ZNF207: variants seen among roughly 807,000 people sequenced by gnomAD.
ZNF207 encodes the protein zinc finger protein 207.
ZNF207 carries 24 observed loss-of-function variants against 60.2 expected under a neutral mutation model. That is an observed-to-expected ratio of 0.40 (90% CI 0.29 to 0.56). The LOEUF is 0.56. Ranked by LOEUF, ZNF207 falls within the 20% of genes least tolerant of loss-of-function variation. The pLI is 0.49. For missense variants in ZNF207, 452 were observed against 636.6 expected (o/e 0.71, Z 3.12); for synonymous variants, 236 against 194.7 (o/e 1.21, Z -1.77).
chr17:32,372,962 G>C lies in ZNF207; in HGVS notation c.*3203G>C, dbSNP rs1905536156. ...CTCTACCTTACATCCACCCCTTTTAGAAAAACAAGAAAACATTTTGTCTGG... is the reference window on the plus strand; with the variant it reads ...CTCTACCTTACATCCACCCCTTTTACAAAAACAAGAAAACATTTTGTCTGG... On this transcript the variant is annotated 3_prime_UTR_variant, in exon 12 of 12. Coordinates refer to ENST00000394670, the MANE Select transcript of ZNF207 (RefSeq NM_001098507.2). The C allele has an allele frequency of 6.6e-6, 1 of 152,646 alleles. No homozygotes were observed. The highest frequency in any genetic ancestry group is 6.5e-5 in the Admixed American group (1 of 15,290). The allele number at this position is 152,646 out of a possible 1,614,324, so 9.5% of individuals were successfully genotyped here. A position where few individuals can be genotyped will look rare whatever the true frequency, so the allele number is the denominator to read the frequency against.
At position 32,375,486 on chromosome 17, in the gene ZNF207, A is replaced by G. The variant is rs909674827; in HGVS notation, c.*5727A>G. 2 of 152,110 alleles carry G rather than the reference A, an allele frequency of 1.3e-5. No homozygotes were observed. The highest frequency in any genetic ancestry group is 4.8e-5 in the African/African-American group (2 of 41,414). 9.4% of individuals were successfully genotyped at this position (152,110 alleles called of 1,614,324 possible). A position where few individuals can be genotyped will look rare whatever the true frequency, so the allele number is the denominator to read the frequency against. On this transcript the variant is annotated 3_prime_UTR_variant, in exon 12 of 12. Transcript: ENST00000394670. ...GTAATGTCATAATCTGTTGAAGGTAATATCTATAGATAACTAAGATAGTTC... is the reference window on the plus strand; with the variant it reads ...GTAATGTCATAATCTGTTGAAGGTAGTATCTATAGATAACTAAGATAGTTC...
At position 32,371,809 on chromosome 17, in the gene ZNF207, A is replaced by T. The variant is rs1225736238; in HGVS notation, c.*2050A>T. On this transcript the variant is annotated 3_prime_UTR_variant, in exon 12 of 12. Coordinates refer to ENST00000394670, the MANE Select transcript of ZNF207 (RefSeq NM_001098507.2). ...CTTGTGGTACCATAGTGGTACAAAAATTTTCATAGTTTGAAAATAAAACAG... is the reference window on the plus strand; with the variant it reads ...CTTGTGGTACCATAGTGGTACAAAATTTTTCATAGTTTGAAAATAAAACAG... 2 of 152,200 alleles carry T rather than the reference A, an allele frequency of 1.3e-5. No homozygotes were observed. Among genetic ancestry groups the T allele is most frequent in the African/African-American group, 4.8e-5 (2 of 41,442 alleles). The allele number at this position is 152,200 out of a possible 1,614,324, so 9.4% of individuals were successfully genotyped here. A position where few individuals can be genotyped will look rare whatever the true frequency, so the allele number is the denominator to read the frequency against.
chr17:32,366,591 A>G, intron 8 of ZNF207, 74 bp from the exon 9 acceptor site: 1 of 1,269,724 alleles, frequency 7.9e-7, no homozygotes, highest in Non-Finnish European at 1.1e-6. Context: ...AATCTACTAA[A>G]AAGTCTACCA....
In ZNF207 at chr17:32,381,597, T is replaced by C. The variant is rs1465386670; in HGVS notation, c.*11838T>C. The C allele has an allele frequency of 6.6e-6, 1 of 152,228 alleles. No individual in the cohort carries two copies. Among genetic ancestry groups the C allele is most frequent in the Non-Finnish European group, 1.5e-5 (1 of 68,036 alleles). 9.4% of individuals were successfully genotyped at this position (152,228 alleles called of 1,614,324 possible). ...TGAGATGTTCCTTAACATGTAGCCA[T>C]GTAATTAGAACTCACAAGGGGCATT... On this transcript the variant is annotated 3_prime_UTR_variant, in exon 12 of 12. Coordinates refer to ENST00000394670, the MANE Select transcript of ZNF207 (RefSeq NM_001098507.2).
chr17:32,370,750 C>T lies in ZNF207; in HGVS notation c.*991C>T, dbSNP rs1485658925. On this transcript the variant is annotated 3_prime_UTR_variant, in exon 12 of 12. Transcript: ENST00000394670. ...TTTCCTTTTGATTATTTTTGAGACTCAGTACTGCATGGACCTCAGAAGCTT... is the reference window on the plus strand; with the variant it reads ...TTTCCTTTTGATTATTTTTGAGACTTAGTACTGCATGGACCTCAGAAGCTT... 1 of 152,168 alleles carries T rather than the reference C, an allele frequency of 6.6e-6. No homozygotes were observed. Among genetic ancestry groups the T allele is most frequent in the Non-Finnish European group, 1.5e-5 (1 of 68,046 alleles). 9.4% of individuals were successfully genotyped at this position (152,168 alleles called of 1,614,324 possible). A position where few individuals can be genotyped will look rare whatever the true frequency, so the allele number is the denominator to read the frequency against.
chr17:32,356,581 G>A (rs539469999), intron 2 of ZNF207, among the ~76,000 whole-genome samples: 2 of 152,136 alleles, frequency 1.3e-5, no homozygotes, highest in Non-Finnish European at 2.9e-5. Context: ...TTTTCTGTTC[G>A]TACATGAAAA....
chr17:32,369,602 A>G lies in ZNF207; in HGVS notation c.1328A>G (p.Gln443Arg), dbSNP rs1350146260. The G allele has an allele frequency of 5.1e-6, 8 of 1,558,132 alleles. No individual in the cohort carries two copies. The highest frequency in any genetic ancestry group is 1.9e-5 in the Admixed American group (1 of 52,470). The change falls in exon 12 of 12, where the codon CAG becomes CGG. Residue 443 changes from glutamine (Q) to arginine (R), a missense_variant. Gln to Arg is a conservative substitution (Grantham distance 43, BLOSUM62 1). Transcript: ENST00000394670. ...GMRPPMPPHG[Q>R]YGGHHQGMPG... Reference sequence around the variant, plus strand: ...TGTTTGAAATTCTTGATTTTAGGTCAGTATGGTGGTCATCATCAAGGCATG... The same window carrying G: ...TGTTTGAAATTCTTGATTTTAGGTCGGTATGGTGGTCATCATCAAGGCATG...
chr17:32,357,405 G>A (rs557450343), intron 2 of ZNF207, among the ~76,000 whole-genome samples: 1 of 142,252 alleles, frequency 7.0e-6, no homozygotes, highest in South Asian at 2.2e-4. Context: ...CTAGAGTGCC[G>A]TGGCACGGTC....
At position 32,378,282 on chromosome 17, in the gene ZNF207, G is replaced by A. The variant is rs1273217995; in HGVS notation, c.*8523G>A. On this transcript the variant is annotated 3_prime_UTR_variant, in exon 12 of 12. Coordinates refer to ENST00000394670, the MANE Select transcript of ZNF207 (RefSeq NM_001098507.2). ...TGCCCTTGTTGATAGATGATATGGA[G>A]TCCAGGGCTTTGGGTCCAGGGTCTT... 6.6e-6 allele frequency: 1 copy of A among 152,022 alleles called. No homozygotes were observed. The highest frequency in any genetic ancestry group is 2.4e-5 in the African/African-American group (1 of 41,428). The allele number at this position is 152,022 out of a possible 1,614,324, so 9.4% of individuals were successfully genotyped here.
intron 2 of ZNF207, among the ~76,000 whole-genome samples, chr17:32,353,202 A>G (rs1020627025): frequency 6.6e-6 from 1 of 152,160 alleles, no homozygotes; most frequent in Non-Finnish European, 1.5e-5. Flanking sequence ...AATAATTTCT[A>G]GGTTTTTAAA....
At chr17:32,363,059 T>C (rs1186893656) in intron 7 of ZNF207, 75 bp downstream of exon 7, 1 of 1,367,498 alleles carries the variant, frequency 7.3e-7, no homozygotes, top group Admixed American at 2.3e-5. Context: ...TCTGTGGGCA[T>C]TAGTATAATG....
Position 32,369,838 on chromosome 17 carries a change from C to G in ZNF207, c.*79C>G, listed in dbSNP as rs1467309995. ...GCTGTTTATATAGCCAAGCTTCCGT[C>G]AATAAGGCTTCATTGTGACTTTAAC... On this transcript the variant is annotated 3_prime_UTR_variant, in exon 12 of 12. Coordinates refer to ENST00000394670, the MANE Select transcript of ZNF207 (RefSeq NM_001098507.2). 3.0e-6 allele frequency: 4 copies of G among 1,328,732 alleles called. No individual in the cohort carries two copies. The highest frequency in any genetic ancestry group is 3.9e-6 in the Non-Finnish European group (4 of 1,023,184). 82.3% of individuals were successfully genotyped at this position (1,328,732 alleles called of 1,614,324 possible). A position where few individuals can be genotyped will look rare whatever the true frequency, so the allele number is the denominator to read the frequency against.
chr17:32,364,041 T>TTC (rs1567821843), intron 7 of ZNF207, among the ~76,000 whole-genome samples: 6 of 54,216 alleles, frequency 1.1e-4, no homozygotes, highest in African/African-American at 3.0e-4. Flanking sequence ...TTTTCTTCTT[T>TTC]TTTTTTTTTG....
At chr17:32,367,261 A>ATATATATATATG (rs1370076965) in intron 9 of ZNF207, among the ~76,000 whole-genome samples, 5 of 113,454 alleles carry the variant, frequency 4.4e-5, no homozygotes, top group African/African-American at 7.5e-5. Flanking sequence ...ATATATATAT[A>ATATATATATATG]TATATATATA....
At position 32,371,725 on chromosome 17, in the gene ZNF207, C is replaced by G. The variant is rs1227530889; in HGVS notation, c.*1966C>G. 6.6e-6 allele frequency: 1 copy of G among 152,210 alleles called. No individual in the cohort carries two copies. Among genetic ancestry groups the G allele is most frequent in the Non-Finnish European group, 1.5e-5 (1 of 68,048 alleles). 9.4% of individuals were successfully genotyped at this position (152,210 alleles called of 1,614,324 possible). ...CCAGCCTGGGCAACAGAGCGAGACTCTGTCAAAAAATAAATTAAAATATCT... is the reference window on the plus strand; with the variant it reads ...CCAGCCTGGGCAACAGAGCGAGACTGTGTCAAAAAATAAATTAAAATATCT... On this transcript the variant is annotated 3_prime_UTR_variant, in exon 12 of 12. Coordinates refer to ENST00000394670, the MANE Select transcript of ZNF207 (RefSeq NM_001098507.2).
rs1016533910 is a variant in ZNF207, at chr17:32,376,001, T to TTTTG, written c.*6246_*6249dup. 5.5e-4 allele frequency: 83 copies of TTTTG among 152,222 alleles called. No homozygotes were observed. Among genetic ancestry groups the TTTTG allele is most frequent in the African/African-American group, 1.9e-3 (77 of 41,576 alleles). 9.4% of individuals were successfully genotyped at this position (152,222 alleles called of 1,614,324 possible). ...TCATTGAATCATTTAAATAATAACCTTTTGTTTTTATAGCAAAGAAATCAT... is the reference window on the plus strand; with the variant it reads ...TCATTGAATCATTTAAATAATAACCTTTTGTTTGTTTTTATAGCAAAGAAATCAT... On this transcript the variant is annotated 3_prime_UTR_variant, in exon 12 of 12. Transcript: ENST00000394670.
At chr17:32,361,120 A>C in intron 5 of ZNF207, 153 bp downstream of exon 5, 1 of 812,346 alleles carries the variant, frequency 1.2e-6, no homozygotes, top group Non-Finnish European at 1.9e-6. Context: ...TCAACCAGTA[A>C]ATTTAAGGAA....
rs187456921 is a variant in ZNF207, at chr17:32,379,736, T to C, written c.*9977T>C. The C allele has an allele frequency of 6.6e-6, 1 of 152,264 alleles. No individual in the cohort carries two copies. Among genetic ancestry groups the C allele is most frequent in the Admixed American group, 6.5e-5 (1 of 15,298 alleles). The allele number at this position is 152,264 out of a possible 1,614,324, so 9.4% of individuals were successfully genotyped here. A position where few individuals can be genotyped will look rare whatever the true frequency, so the allele number is the denominator to read the frequency against. On this transcript the variant is annotated 3_prime_UTR_variant, in exon 12 of 12. Transcript: ENST00000394670. ...AGGCTTAAAAATTTCAAAAGTATTA[T>C]TTAAGCCACTCTAACCCTGCATGAA...
At position 32,369,277 on chromosome 17, in the gene ZNF207, G is replaced by A. The variant is rs72813018; in HGVS notation, c.1165-18G>A. On this transcript the variant is annotated intron_variant, in intron 10 of 11. Coordinates refer to ENST00000394670, the MANE Select transcript of ZNF207 (RefSeq NM_001098507.2). ...TCTGCATTCGAGTATTTAGCCCTGC[G>A]CTTATTTTTATTCCCAGGAAGAGAG... 0.12 allele frequency: 188,840 copies of A among 1,611,098 alleles called. 12,047 individuals carry two copies. The highest frequency in any genetic ancestry group is 0.16 in the Middle Eastern group (904 of 5,800).
Sources: allele counts gnomAD v4.1 joint callset (sites outside exome capture counted in the v4.1 genomes callset), GRCh38; gene constraint gnomAD v4.1.1; transcripts MANE v1.5; gene names NCBI Gene and HGNC (gene_info 2026-07-23, HGNC 2026-07-21).